The following ADIPOR2 variants were observed in gnomAD, a reference collection of about 807,000 sequenced individuals.
ADIPOR2 encodes the protein adiponectin receptor protein 2.
A neutral mutation model predicts 40.9 loss-of-function variants in ADIPOR2; 18 were observed. The observed-to-expected ratio is 0.44, with a 90% CI of 0.30 to 0.65. The LOEUF is 0.65. ADIPOR2 is among the 30% of genes least tolerant of loss of function. ADIPOR2 has a pLI of 0.09. For missense variants in ADIPOR2, 283 were observed against 479.2 expected (o/e 0.59, Z 3.82); for synonymous variants, 165 against 166.4 (o/e 0.99, Z 0.06).
intron 1 of ADIPOR2, among the ~76,000 whole-genome samples, chr12:1,698,238 G>GTA (rs2094643314): frequency 7.8e-6 from 1 of 129,028 alleles, no homozygotes; most frequent in South Asian, 2.4e-4. Flanking sequence ...GTGTGTGTGT[G>GTA]TATTTTATTT....
At chr12:1,758,110 G>T in intron 2 of ADIPOR2, 1 of 549,986 alleles carries the variant, frequency 1.8e-6, no homozygotes, top group Non-Finnish European at 3.3e-6. Context: ...ATTTTTTTAT[G>T]TGTTGTAATA....
At position 1,783,911 on chromosome 12, in the gene ADIPOR2, C is replaced by A. The variant is rs35854772; in HGVS notation, c.870C>A (p.Ile290=). Residue 290 remains isoleucine, a synonymous_variant, in exon 7 of 8, where the codon ATC becomes ATA. Transcript: ENST00000357103. The part of the protein sequence containing the change: ...GVFLGLGLSG[I]IPTLHYVISE... The stretch of plus-strand genomic sequence containing the variant: ...TTTTGGGCCTAGGCCTGAGTGGAAT[C>A]ATTCCTACCTTGCACTATGTCATCT... 0.12 allele frequency: 192,277 copies of A among 1,610,708 alleles called. 12,291 individuals are homozygous for A. The highest frequency in any genetic ancestry group is 0.2 in the African/African-American group (14,642 of 74,736).
intron 1 of ADIPOR2, among the ~76,000 whole-genome samples, chr12:1,748,479 A>C (rs1189211331): frequency 6.6e-6 from 1 of 151,902 alleles, no homozygotes; most frequent in African/African-American, 2.4e-5. Context: ...CAATCTCCTG[A>C]CCTTGTGATC....
intron 1 of ADIPOR2, among the ~76,000 whole-genome samples, chr12:1,705,327 T>C (rs969800967): frequency 2.6e-5 from 4 of 152,222 alleles, no homozygotes; most frequent in Non-Finnish European, 5.9e-5. Context: ...TCCCTGACTT[T>C]AATATTTAGA....
chr12:1,701,127 CTTTTT>C (rs34379541), intron 1 of ADIPOR2, among the ~76,000 whole-genome samples: 2 of 123,756 alleles, frequency 1.6e-5, no homozygotes, highest in Non-Finnish European at 1.7e-5. Context: ...TGGTGTTGAT[CTTTTT>C]TTTTTTTTTT....
At chr12:1,762,219 A>G (rs1403800940) in intron 2 of ADIPOR2, among the ~76,000 whole-genome samples, 2 of 152,066 alleles carry the variant, frequency 1.3e-5, no homozygotes, top group Non-Finnish European at 2.9e-5. Flanking sequence ...TTCTATTTCA[A>G]GTTTCCCATT....
At chr12:1,728,680 C>A (rs1030617797) in intron 1 of ADIPOR2, among the ~76,000 whole-genome samples, 1 of 151,404 alleles carries the variant, frequency 6.6e-6, no homozygotes, top group East Asian at 2.0e-4. Context: ...GCCAAGATGG[C>A]GCCATTGCAC....
chr12:1,760,168 A>C (rs1862237615), intron 2 of ADIPOR2, among the ~76,000 whole-genome samples: 1 of 152,184 alleles, frequency 6.6e-6, no homozygotes. Flanking sequence ...ATTTTATTTA[A>C]AATAGTTAAT....
intron 2 of ADIPOR2, 142 bp from the exon 3 acceptor site, chr12:1,772,700 C>A: frequency 2.0e-6 from 2 of 1,013,108 alleles, no homozygotes; most frequent in East Asian, 2.6e-5. Context: ...CTATAATAAA[C>A]TGACTTACTA....
chr12:1,741,204 A>G (rs760882575), intron 1 of ADIPOR2, among the ~76,000 whole-genome samples: 5 of 152,156 alleles, frequency 3.3e-5, no homozygotes, highest in Non-Finnish European at 7.3e-5. Flanking sequence ...GGGGAGTGAC[A>G]TGATTTTTCT....
At chr12:1,740,226 G>T (rs914359453) in intron 1 of ADIPOR2, among the ~76,000 whole-genome samples, 1 of 152,304 alleles carries the variant, frequency 6.6e-6, no homozygotes, top group South Asian at 2.1e-4. Context: ...AAAGTGATGT[G>T]CTATTCTATT....
chr12:1,738,202 G>C (rs932248746), intron 1 of ADIPOR2, among the ~76,000 whole-genome samples: 26 of 103,256 alleles, frequency 2.5e-4, no homozygotes, highest in African/African-American at 8.7e-4. Context: ...AAGAAACCCT[G>C]TCTCTACAAA....
chr12:1,768,323 C>T (rs1421080443), intron 2 of ADIPOR2, among the ~76,000 whole-genome samples: 1 of 152,144 alleles, frequency 6.6e-6, no homozygotes, highest in East Asian at 1.9e-4. Context: ...GTCTCTTTTT[C>T]TCAACATGGC....
At chr12:1,747,061 A>C (rs10735002) in intron 1 of ADIPOR2, among the ~76,000 whole-genome samples, 78,239 of 140,208 alleles carry the variant, frequency 0.56, 21,461 homozygotes, top group East Asian at 0.59. Context: ...GCCCCCCCCC[A>C]AAAAATAAAA....
chr12:1,732,435 T>C (rs150633631), intron 1 of ADIPOR2, among the ~76,000 whole-genome samples: 1 of 152,364 alleles, frequency 6.6e-6, no homozygotes, highest in East Asian at 1.9e-4. Context: ...TTGATTTCTT[T>C]CCATTGGCAA....
chr12:1,699,604 T>C (rs538207341), intron 1 of ADIPOR2, among the ~76,000 whole-genome samples: 1 of 152,320 alleles, frequency 6.6e-6, no homozygotes, highest in African/African-American at 2.4e-5. Context: ...TGAGCCGAGA[T>C]AGCACCATTG....
intron 1 of ADIPOR2, among the ~76,000 whole-genome samples, chr12:1,715,381 T>A (rs1327579929): frequency 6.6e-6 from 1 of 152,100 alleles, no homozygotes; most frequent in African/African-American, 2.4e-5. Flanking sequence ...CCGCCTCTTT[T>A]TCAGGGTTTG....
rs1178155721 is a variant in ADIPOR2, at chr12:1,750,922, AT to A, written c.-86-3329del. Among the ~76,000 whole-genome samples, 25 of 150,810 alleles carry A rather than the reference AT, an allele frequency of 1.7e-4. No homozygotes were observed. In the East Asian group the frequency reaches 4.5e-3, roughly 27 times the overall value. The stretch of plus-strand genomic sequence containing the variant: ...TTTTTTTCCCCCAATTTTTATACTC[AT>A]TTTTTTCCCTCATTTAATTATCTAA... On this transcript the variant is annotated intron_variant, in intron 1 of 7. Coordinates refer to ENST00000357103, the MANE Select transcript of ADIPOR2 (RefSeq NM_024551.3).
chr12:1,698,517 C>G (rs1285696994), intron 1 of ADIPOR2, among the ~76,000 whole-genome samples: 4 of 152,094 alleles, frequency 2.6e-5, no homozygotes, highest in African/African-American at 9.7e-5. Context: ...GCCACCATGA[C>G]AGGCCCTGTG....
Sources: gnomAD v4.1 joint callset for allele counts (sites outside exome capture counted in the v4.1 genomes callset) on GRCh38, gnomAD v4.1.1 for gene constraint, MANE v1.5 for transcripts, NCBI Gene and HGNC (gene_info 2026-07-23, HGNC 2026-07-21) for gene names.